PTBP3: variants seen among roughly 807,000 people sequenced by gnomAD.
The protein encoded by PTBP3 is polypyrimidine tract binding protein 3.
A neutral mutation model predicts 58.7 loss-of-function variants in PTBP3; 20 were observed. The observed-to-expected ratio is 0.34, with a 90% CI of 0.24 to 0.50. The LOEUF (loss-of-function observed/expected upper bound fraction) is 0.50, where lower values mean the gene tolerates loss of function less well. PTBP3 is among the 20% of genes least tolerant of loss of function. The pLI is 0.98. For synonymous variants in PTBP3, 185 were observed against 219.8 expected (o/e 0.84, Z 1.40); for missense variants, 509 against 637.2 (o/e 0.80, Z 2.17).
chr9:112,265,575 G>A (rs1358244270), intron 4 of PTBP3, among the ~76,000 whole-genome samples: 3 of 152,044 alleles, frequency 2.0e-5, no homozygotes, highest in African/African-American at 2.4e-5. Flanking sequence ...GGGCACAGAC[G>A]TGGAAATGGA....
At chr9:112,327,942 G>A (rs1053962103) in intron 1 of PTBP3, among the ~76,000 whole-genome samples, 7 of 152,274 alleles carry the variant, frequency 4.6e-5, no homozygotes, top group African/African-American at 1.7e-4. Context: ...TGGAAACACA[G>A]TAGTGAAGAA....
chr9:112,337,677 T>A (rs1830588357), upstream of PTBP3, among the ~76,000 whole-genome samples: 1 of 152,236 alleles, frequency 6.6e-6, no homozygotes, highest in Admixed American at 6.5e-5. Context: ...TTTCTAACAT[T>A]TTCTCTTGTG....
chr9:112,332,841 C>T, intron 1 of PTBP3: 1 of 1,612,342 alleles, frequency 6.2e-7, no homozygotes, highest in Admixed American at 1.7e-5. Flanking sequence ...GGGAAGCGTC[C>T]ATGGTCACTA....
rs1278648578 is a variant in PTBP3 at position 112,223,559 on chromosome 9, CTAATT to C, written c.*287_*291del. 3.0e-6 allele frequency: 3 copies of C among 1,011,708 alleles called. No individual in the cohort carries two copies. Among genetic ancestry groups the C allele is most frequent in the Non-Finnish European group, 3.6e-6 (3 of 824,232 alleles). The allele number at this position is 1,011,708 out of a possible 1,614,324, so 62.7% of individuals were successfully genotyped here. A position where few individuals can be genotyped will look rare whatever the true frequency, so the allele number is the denominator to read the frequency against. On this transcript the variant is annotated 3_prime_UTR_variant, in exon 14 of 14. Transcript: ENST00000374257. Reference sequence around the variant, plus strand: ...AAAACAACGTTAATCCTCTTCAAATCTAATTTAATATAGGGAATAAGATTATTGAA... The same window carrying C: ...AAAACAACGTTAATCCTCTTCAAATCTAATATAGGGAATAAGATTATTGAA...
intron 12 of PTBP3, 56 bp from the exon 13 acceptor site, chr9:112,224,266 A>G: frequency 9.3e-7 from 1 of 1,080,598 alleles, no homozygotes; most frequent in Non-Finnish European, 1.3e-6. Flanking sequence ...AGTGAAGCAG[A>G]TTAACTCTTG....
At position 112,329,400 on chromosome 9, in the gene PTBP3, G is replaced by T. The variant is rs148976179; in HGVS notation, c.-52+4070C>A. Reference sequence around the variant, plus strand: ...CACTGTTCCCCAGCCTGGGCAACAGGGAGGCTCCGCCTCAAAAAAAAAAAA... The same window carrying T: ...CACTGTTCCCCAGCCTGGGCAACAGTGAGGCTCCGCCTCAAAAAAAAAAAA... On this transcript the variant is annotated intron_variant, in intron 1 of 13. Coordinates refer to ENST00000374257, the MANE Select transcript of PTBP3 (RefSeq NM_001163788.4). Among the ~76,000 whole-genome samples the T allele has an allele frequency of 2.9e-3, 340 of 118,322 alleles. 1 individual carries two copies. Among genetic ancestry groups the T allele is most frequent in the African/African-American group, 0.011 (322 of 30,250 alleles). 77.6% of individuals were successfully genotyped at this position (118,322 alleles called of 152,430 possible). A position where few individuals can be genotyped will look rare whatever the true frequency, so the allele number is the denominator to read the frequency against.
At chr9:112,272,572 A>T (rs1184700567) in intron 3 of PTBP3, 1 of 152,018 alleles carries the variant, frequency 6.6e-6, no homozygotes. Context: ...CTATCCATCC[A>T]TCCATTTTTT....
intron 3 of PTBP3, among the ~76,000 whole-genome samples, chr9:112,269,973 C>A (rs1282682404): frequency 1.4e-5 from 2 of 145,694 alleles, no homozygotes; most frequent in African/African-American, 5.2e-5. Context: ...GAGACACAGT[C>A]TCACTCTGTC....
chr9:112,290,707 T>TACACACACAAACACACACAC, intron 2 of PTBP3, among the ~76,000 whole-genome samples: 1 of 110,926 alleles, frequency 9.0e-6, no homozygotes, highest in Admixed American at 1.0e-4. Flanking sequence ...TATATATATA[T>TACACACACAAACACACACAC]ACACACACAC....
chr9:112,317,678 G>C (rs1829761054), intron 1 of PTBP3, among the ~76,000 whole-genome samples: 1 of 152,234 alleles, frequency 6.6e-6, no homozygotes, highest in Non-Finnish European at 1.5e-5. Flanking sequence ...GCCGGGCACA[G>C]TGGCTCACGC....
chr9:112,330,720 A>G (rs985131507), intron 1 of PTBP3, among the ~76,000 whole-genome samples: 1 of 152,206 alleles, frequency 6.6e-6, no homozygotes, highest in African/African-American at 2.4e-5. Context: ...AGTATTTAGG[A>G]AAGTATAGTC....
chr9:112,249,341 T>A (rs1670521459), intron 7 of PTBP3, among the ~76,000 whole-genome samples: 1 of 152,058 alleles, frequency 6.6e-6, no homozygotes, highest in African/African-American at 2.4e-5. Flanking sequence ...TCTATAGGTA[T>A]AACAAATGTC....
the PTBP3 span, among the ~76,000 whole-genome samples, chr9:112,354,072 T>C: frequency 3.2e-4 from 49 of 152,288 alleles, no homozygotes; most frequent in Middle Eastern, 3.4e-3. Context: ...TACATTTTAT[T>C]TTACAACTAC....
chr9:112,350,332 T>A, the PTBP3 span, among the ~76,000 whole-genome samples: 1 of 152,148 alleles, frequency 6.6e-6, no homozygotes, highest in Non-Finnish European at 1.5e-5. Context: ...AAGAACTTAT[T>A]CATGTACAAA....
At chr9:112,256,592 G>A (rs904312113) in intron 5 of PTBP3, among the ~76,000 whole-genome samples, 16 of 151,868 alleles carry the variant, frequency 1.1e-4, no homozygotes, top group African/African-American at 1.9e-4. Flanking sequence ...GTGCAGTGGC[G>A]CCATCATAGT....
At chr9:112,320,314 A>ATT (rs67226574) in intron 1 of PTBP3, among the ~76,000 whole-genome samples, 101 of 75,592 alleles carry the variant, frequency 1.3e-3, no homozygotes, top group African/African-American at 1.5e-3. Context: ...ATATATATAT[A>ATT]TTTTTTTTTA....
At chr9:112,258,708 T>C (rs1173181644) in intron 5 of PTBP3, among the ~76,000 whole-genome samples, 1 of 152,114 alleles carries the variant, frequency 6.6e-6, no homozygotes, top group Non-Finnish European at 1.5e-5. Flanking sequence ...AGCAAATCTT[T>C]CAAAATATAT....
At chr9:112,297,704 C>G in intron 2 of PTBP3, 128 bp downstream of exon 2, 1 of 695,490 alleles carries the variant, frequency 1.4e-6, no homozygotes. Context: ...TAGTACTTTA[C>G]CGAAACAAAT....
chr9:112,237,975 G>C (rs1475205390), intron 7 of PTBP3, among the ~76,000 whole-genome samples: 1 of 152,146 alleles, frequency 6.6e-6, no homozygotes, highest in Non-Finnish European at 1.5e-5. Context: ...AGGTTGAAAT[G>C]ATCCTGAACG....
Sources: allele counts gnomAD v4.1 joint callset (sites outside exome capture counted in the v4.1 genomes callset), GRCh38; gene constraint gnomAD v4.1.1; transcripts MANE v1.5; gene names NCBI Gene and HGNC (gene_info 2026-07-23, HGNC 2026-07-21).